Variants in KCNQ3 observed in about 807,000 individuals in gnomAD.
The protein encoded by KCNQ3 is potassium voltage-gated channel subfamily Q member 3.
In KCNQ3, 30 loss-of-function variants were observed where a neutral mutation model predicts 92.5. The observed-to-expected ratio is 0.32, with a 90% CI of 0.24 to 0.44. The LOEUF is 0.44. Among genes scored for constraint, KCNQ3 ranks in the 20% least tolerant of loss-of-function variants. The pLI is 1.00. For missense variants in KCNQ3, 913 were observed against 1,140.3 expected (o/e 0.80, Z 2.87); for synonymous variants, 450 against 468.8 (o/e 0.96, Z 0.52).
intron 1 of KCNQ3, among the ~76,000 whole-genome samples, chr8:132,274,604 T>G (rs1816266422): frequency 6.6e-6 from 1 of 152,222 alleles, no homozygotes; most frequent in African/African-American, 2.4e-5. Context: ...ATTTCTATAT[T>G]GTCCATGTTA....
intron 1 of KCNQ3, among the ~76,000 whole-genome samples, chr8:132,374,496 C>T (rs1292004192): frequency 2.6e-5 from 4 of 152,202 alleles, no homozygotes; most frequent in South Asian, 2.1e-4. Context: ...ACTTGCGGCA[C>T]ACACCCCTCC....
chr8:132,268,467 C>T (rs750001078), intron 1 of KCNQ3, among the ~76,000 whole-genome samples: 5 of 152,126 alleles, frequency 3.3e-5, no homozygotes, highest in Non-Finnish European at 7.4e-5. Flanking sequence ...CCATATTGAC[C>T]AGGCTGGTCT....
chr8:132,140,047 A>C, intron 11 of KCNQ3, 29 bp downstream of exon 11: 1 of 1,471,486 alleles, frequency 6.8e-7, no homozygotes, highest in Non-Finnish European at 9.2e-7. Flanking sequence ...GGAGGCACAC[A>C]GGCACAGGTG....
intron 1 of KCNQ3, among the ~76,000 whole-genome samples, chr8:132,386,140 G>T (rs1006546193): frequency 2.6e-5 from 4 of 152,140 alleles, no homozygotes; most frequent in African/African-American, 9.7e-5. Flanking sequence ...ATACTCTCCT[G>T]ATTGGAAAAG....
rs548509396 is a variant in KCNQ3 at position 132,240,311 on chromosome 8, C to T, written c.387-54130G>A. Among the ~76,000 whole-genome samples the T allele has an allele frequency of 2.8e-3, 420 of 151,980 alleles. 2 individuals carry two copies. Among genetic ancestry groups the T allele is most frequent in the African/African-American group, 9.8e-3 (405 of 41,464 alleles). ...AAGTGCATCTCCTGCCTCAGCCTCC[C>T]GAGTAGCTGGGATTACAGGCATGCG... On this transcript the variant is annotated intron_variant, in intron 1 of 14. Transcript: ENST00000388996.
At chr8:132,465,074 G>A (rs72723106) in intron 1 of KCNQ3, among the ~76,000 whole-genome samples, 12,717 of 152,190 alleles carry the variant, frequency 0.084, 538 homozygotes, top group African/African-American at 0.093. Flanking sequence ...GTTTCCTTTC[G>A]TGTTCCAGAA....
chr8:132,383,920 G>C (rs997480885), intron 1 of KCNQ3, among the ~76,000 whole-genome samples: 3 of 152,126 alleles, frequency 2.0e-5, no homozygotes, highest in African/African-American at 7.2e-5. Context: ...GAAAAATAAG[G>C]GTTAAATGAG....
intron 1 of KCNQ3, among the ~76,000 whole-genome samples, chr8:132,380,491 AG>A (rs1819718146): frequency 6.6e-6 from 1 of 152,136 alleles, no homozygotes; most frequent in Non-Finnish European, 1.5e-5. Flanking sequence ...CCCGAGACTA[AG>A]AAGCCTGCCT....
chr8:132,219,403 G>A (rs922567923), intron 1 of KCNQ3, among the ~76,000 whole-genome samples: 3 of 152,090 alleles, frequency 2.0e-5, no homozygotes, highest in Non-Finnish European at 4.4e-5. Context: ...CCGCTTTGAT[G>A]AAGGTCCAGC....
intron 1 of KCNQ3, among the ~76,000 whole-genome samples, chr8:132,220,528 T>C (rs2130334894): frequency 1.3e-5 from 2 of 152,256 alleles, no homozygotes; most frequent in East Asian, 1.9e-4. Flanking sequence ...GCAGGTGGAT[T>C]GCCTGAGATC....
At chr8:132,478,546 T>A (rs1391625122) in intron 1 of KCNQ3, among the ~76,000 whole-genome samples, 1 of 152,154 alleles carries the variant, frequency 6.6e-6, no homozygotes, top group Non-Finnish European at 1.5e-5. Flanking sequence ...TGCTTTTTTT[T>A]CGGCCACCTA....
chr8:132,184,214 GC>G (rs1211123169), intron 3 of KCNQ3, 26 bp downstream of exon 3: 2 of 1,613,964 alleles, frequency 1.2e-6, no homozygotes, highest in South Asian at 1.1e-5. Flanking sequence ...AACTGAGGAG[GC>G]TGGGAGGCTC....
At chr8:132,441,906 G>A (rs898178214) in intron 1 of KCNQ3, among the ~76,000 whole-genome samples, 1 of 152,180 alleles carries the variant, frequency 6.6e-6, no homozygotes, top group Non-Finnish European at 1.5e-5. Flanking sequence ...TAAAAAAAAT[G>A]AGATCATGTC....
intron 1 of KCNQ3, among the ~76,000 whole-genome samples, chr8:132,193,665 T>A (rs549407060): frequency 6.6e-6 from 1 of 152,188 alleles, no homozygotes; most frequent in South Asian, 2.1e-4. Context: ...GGTGAAAACA[T>A]TGATGCAGGA....
intron 1 of KCNQ3, among the ~76,000 whole-genome samples, chr8:132,325,589 A>G (rs1307417709): frequency 6.6e-6 from 1 of 152,224 alleles, no homozygotes; most frequent in Non-Finnish European, 1.5e-5. Context: ...AGACATAAAC[A>G]GAGGAAAGAA....
chr8:132,241,088 C>T (rs1412021387), intron 1 of KCNQ3, among the ~76,000 whole-genome samples: 1 of 152,052 alleles, frequency 6.6e-6, no homozygotes, highest in Non-Finnish European at 1.5e-5. Context: ...GGGGTTTCAC[C>T]ATGTTGACCA....
At chr8:132,298,627 G>C (rs1045848523) in intron 1 of KCNQ3, among the ~76,000 whole-genome samples, 2 of 152,214 alleles carry the variant, frequency 1.3e-5, no homozygotes, top group African/African-American at 4.8e-5. Flanking sequence ...CATGTACTCG[G>C]CCGGGCACAG....
intron 1 of KCNQ3, among the ~76,000 whole-genome samples, chr8:132,476,030 G>A (rs1822403181): frequency 6.6e-6 from 1 of 152,242 alleles, no homozygotes. Flanking sequence ...CTAAAAGGGA[G>A]CAAGGTACAG....
intron 1 of KCNQ3, among the ~76,000 whole-genome samples, chr8:132,335,786 CA>C (rs142018228): frequency 1.9e-3 from 286 of 152,234 alleles, no homozygotes; most frequent in East Asian, 0.018. Context: ...GTGGAAGAAG[CA>C]AAGTTGGGGA....
Sources: gnomAD v4.1 joint callset for allele counts (sites outside exome capture counted in the v4.1 genomes callset) on GRCh38, gnomAD v4.1.1 for gene constraint, MANE v1.5 for transcripts, NCBI Gene and HGNC (gene_info 2026-07-23, HGNC 2026-07-21) for gene names.